The following ZFP36L1 variants were observed in gnomAD, a reference collection of about 807,000 sequenced individuals.
ZFP36L1 encodes the protein ZFP36 like 1 zinc finger CCCH-type, also known as mRNA decay activator protein ZFP36L1.
Under a neutral mutation model 16.7 loss-of-function variants are expected in ZFP36L1, and 4 were observed. The observed-to-expected ratio is 0.24, with a 90% CI of 0.12 to 0.55. The LOEUF (loss-of-function observed/expected upper bound fraction) is 0.55. Ranked by LOEUF, ZFP36L1 falls within the 20% of genes least tolerant of loss-of-function variation. The pLI is 0.94. For synonymous variants in ZFP36L1, 220 were observed against 190.8 expected (o/e 1.15, Z -1.26); for missense variants, 311 against 449.2 (o/e 0.69, Z 2.78).
chr14:68,790,571 C>A (rs1246264215), intron 1 of ZFP36L1, 79 bp from the exon 2 acceptor site: 3 of 1,553,244 alleles, frequency 1.9e-6, no homozygotes, highest in Non-Finnish European at 2.6e-6. Flanking sequence ...CCTACACAAT[C>A]ACAAACGCCC....
chr14:68,792,236 G>A (rs1208504258), intron 1 of ZFP36L1, among the ~76,000 whole-genome samples: 1 of 140,838 alleles, frequency 7.1e-6, no homozygotes, highest in East Asian at 2.4e-4. Flanking sequence ...CGGCAACACA[G>A]GTAAGCGGGT....
chr14:68,795,002 C>G (rs1398150871), upstream of ZFP36L1, among the ~76,000 whole-genome samples: 2 of 152,148 alleles, frequency 1.3e-5, no homozygotes, highest in East Asian at 3.8e-4. Context: ...GCTTCCCTCC[C>G]CCGCTCCCAT....
chr14:68,795,964 G>A (rs1895243269), upstream of ZFP36L1: 1 of 1,311,402 alleles, frequency 7.6e-7, no homozygotes, highest in South Asian at 1.2e-5. Flanking sequence ...GCGGCCCTAC[G>A]GTGCAGGAAG....
upstream of ZFP36L1, chr14:68,795,957 G>A (rs780328942): frequency 1.5e-6 from 2 of 1,291,426 alleles, no homozygotes; most frequent in Non-Finnish European, 1.0e-6. Flanking sequence ...CGGGAGGGCG[G>A]CCCTACGGTG....
upstream of ZFP36L1, chr14:68,793,403 C>A: frequency 1.0e-6 from 1 of 999,018 alleles, no homozygotes; most frequent in Non-Finnish European, 1.2e-6. Context: ...TCCGGGGCCG[C>A]GCGGGCGCAG....
chr14:68,792,058 C>G (rs559043812), intron 1 of ZFP36L1, among the ~76,000 whole-genome samples: 1 of 152,332 alleles, frequency 6.6e-6, no homozygotes, highest in African/African-American at 2.4e-5. Context: ...AACCGCAGTC[C>G]TGGAACATTC....
chr14:68,792,181 A>G (rs1170569145), intron 1 of ZFP36L1, among the ~76,000 whole-genome samples: 1 of 149,774 alleles, frequency 6.7e-6, no homozygotes, highest in Admixed American at 6.7e-5. Flanking sequence ...TTTTGTCGCC[A>G]CCTCCCCCCC....
intron 1 of ZFP36L1, among the ~76,000 whole-genome samples, chr14:68,792,494 T>C (rs1350611816): frequency 6.6e-6 from 1 of 152,134 alleles, no homozygotes; most frequent in Non-Finnish European, 1.5e-5. Context: ...GTAATGCCGC[T>C]GGACAGACCT....
At chr14:68,795,695 T>G (rs954425038), upstream of ZFP36L1, 4 of 486,880 alleles carry the variant, frequency 8.2e-6, no homozygotes, top group Non-Finnish European at 1.7e-5. Context: ...GCCCGCTCGC[T>G]CCCGAGTTGT....
chr14:68,792,411 CAA>C, intron 1 of ZFP36L1, among the ~76,000 whole-genome samples: 1 of 152,298 alleles, frequency 6.6e-6, no homozygotes, highest in Middle Eastern at 3.4e-3. Flanking sequence ...CAGCTCCCCC[CAA>C]AGAGTGGAGG....
rs1311715210 is a variant in ZFP36L1, at chr14:68,788,077, GA to G, written c.*1455del. The G allele has an allele frequency of 6.6e-6, 1 of 152,214 alleles. No homozygotes were observed. Among genetic ancestry groups the G allele is most frequent in the Admixed American group, 6.6e-5 (1 of 15,264 alleles). The allele number at this position is 152,214 out of a possible 1,614,324, so 9.4% of individuals were successfully genotyped here. On this transcript the variant is annotated 3_prime_UTR_variant, in exon 2 of 2. Coordinates refer to ENST00000439696, the MANE Select transcript of ZFP36L1 (RefSeq NM_004926.4). ...AATTTGCAGTCCAACACAAAGGGGG[GA>G]ATTTCTAAAATAAATAATCCAACAG...
chr14:68,792,322 G>A (rs909544646), intron 1 of ZFP36L1, among the ~76,000 whole-genome samples: 1 of 152,170 alleles, frequency 6.6e-6, no homozygotes, highest in Non-Finnish European at 1.5e-5. Flanking sequence ...CGGAGCTAGG[G>A]CGGACTCAAG....
At chr14:68,793,240 C>T (rs1895156865), upstream of ZFP36L1, 2 of 1,101,810 alleles carry the variant, frequency 1.8e-6, no homozygotes, top group Admixed American at 5.1e-5. Context: ...GGAGAAGAAA[C>T]TTTCAAAAGG....
rs760954890 is a variant in ZFP36L1 at position 68,789,593 on chromosome 14, C to G, written c.957G>C (p.Pro319=). The change falls in exon 2 of 2, where the codon CCG becomes CCC. Residue 319 remains proline (P), a synonymous_variant. Coordinates refer to ENST00000439696, the MANE Select transcript of ZFP36L1 (RefSeq NM_004926.4). The surrounding 1 kb of genome is among the most constrained non-coding windows in gnomAD (Gnocchi z 4.5). ...SSSSHSGSDS[P]TLDNSRRLPI... ...GCAGGCGTCTTGAGTTGTCCAAGGT[C>G]GGGGAGTCTGAGCCACTGTGGCTGC... is the stretch of plus-strand genomic sequence containing the variant. 2.6e-5 allele frequency: 42 copies of G among 1,613,522 alleles called. No individual in the cohort carries two copies. The highest frequency in any genetic ancestry group is 3.5e-5 in the Non-Finnish European group (41 of 1,179,878).
At chr14:68,793,370 C>G (rs1211990715), upstream of ZFP36L1, 5 of 1,005,392 alleles carry the variant, frequency 5.0e-6, no homozygotes, top group Admixed American at 1.1e-4. Flanking sequence ...GACTTCCCTA[C>G]CCGGCGCTTC....
chr14:68,795,205 C>T (rs751006764), upstream of ZFP36L1, among the ~76,000 whole-genome samples: 22 of 152,178 alleles, frequency 1.4e-4, no homozygotes, highest in Non-Finnish European at 2.6e-4. Flanking sequence ...TTCCAGATTT[C>T]AGGACAGAGC....
chr14:68,793,310 C>T (rs1365189368), upstream of ZFP36L1: 43 of 1,018,528 alleles, frequency 4.2e-5, no homozygotes, highest in African/African-American at 5.2e-5. Context: ...CTGTGAGCCG[C>T]GCACAACTTT....
chr14:68,792,377 T>C (rs1044409463), intron 1 of ZFP36L1, among the ~76,000 whole-genome samples: 1 of 152,270 alleles, frequency 6.6e-6, no homozygotes, highest in African/African-American at 2.4e-5. Context: ...AATCACAACT[T>C]GGCCTTTCTT....
At chr14:68,792,273 A>G (rs763071618) in intron 1 of ZFP36L1, among the ~76,000 whole-genome samples, 2 of 151,980 alleles carry the variant, frequency 1.3e-5, no homozygotes, top group Non-Finnish European at 2.9e-5. Context: ...TTCACCCCAA[A>G]GTTTGCTGCA....
Sources: gnomAD v4.1 joint callset for allele counts (sites outside exome capture counted in the v4.1 genomes callset) on GRCh38, gnomAD v4.1.1 for gene constraint, Gnocchi (gnomAD v3.1) non-coding constraint, MANE v1.5 for transcripts, NCBI Gene and HGNC (gene_info 2026-07-23, HGNC 2026-07-21) for gene names.